Variants in NFIB observed in about 807,000 individuals in gnomAD.
NFIB encodes nuclear factor 1 B-type.
NFIB carries 11 observed loss-of-function variants against 61.5 expected under a neutral mutation model. That is an observed-to-expected ratio of 0.18 (90% CI 0.11 to 0.30). The LOEUF (loss-of-function observed/expected upper bound fraction) is 0.30, where lower values mean the gene tolerates loss of function less well. Among genes scored for constraint, NFIB ranks in the 10% least tolerant of loss-of-function variants. The probability of loss-of-function intolerance (pLI) is 1.00; values close to 1 mark genes in which losing one functional copy is unlikely to be tolerated. For missense variants in NFIB, 471 were observed against 608.9 expected (o/e 0.77, Z 2.38); for synonymous variants, 260 against 216.5 (o/e 1.20, Z -1.76).
At chr9:14,229,059 A>C (rs999021066) in intron 2 of NFIB, among the ~76,000 whole-genome samples, 9 of 151,766 alleles carry the variant, frequency 5.9e-5, no homozygotes, top group Non-Finnish European at 1.0e-4. Context: ...AGAGAAATTC[A>C]CTTAAACTAA....
At chr9:14,395,431 A>G (rs1296080095) in intron 1 of NFIB, among the ~76,000 whole-genome samples, 2 of 152,038 alleles carry the variant, frequency 1.3e-5, no homozygotes, top group Admixed American at 6.6e-5. Context: ...TAGTGTCCCA[A>G]TACCAGCTCT....
At chr9:14,280,349 A>ACG (rs2058287142) in intron 2 of NFIB, among the ~76,000 whole-genome samples, 2 of 152,172 alleles carry the variant, frequency 1.3e-5, no homozygotes, top group African/African-American at 4.8e-5. Flanking sequence ...AGATGAAAAT[A>ACG]CGCACACACA....
chr9:14,314,914 G>A (rs947651583), upstream of NFIB, among the ~76,000 whole-genome samples: 1 of 151,740 alleles, frequency 6.6e-6, no homozygotes, highest in East Asian at 1.9e-4. Context: ...ACTCTTTTAA[G>A]CCGCGGGAAC....
intron 2 of NFIB, among the ~76,000 whole-genome samples, chr9:14,247,552 G>A (rs1300691901): frequency 1.3e-5 from 2 of 152,240 alleles, no homozygotes; most frequent in African/African-American, 4.8e-5. Flanking sequence ...ATCTGACACT[G>A]CACAGGCACC....
At chr9:14,448,261 C>T in the NFIB span, among the ~76,000 whole-genome samples, 2 of 152,154 alleles carry the variant, frequency 1.3e-5, no homozygotes, top group Non-Finnish European at 2.9e-5. Context: ...ATGAATCTGT[C>T]TTAATGTCCT....
intron 2 of NFIB, among the ~76,000 whole-genome samples, chr9:14,295,490 G>T (rs964534285): frequency 1.3e-5 from 2 of 152,084 alleles, no homozygotes; most frequent in African/African-American, 4.8e-5. Context: ...ACTCAGCCGG[G>T]CGTGGGGAAG....
chr9:14,230,084 C>G (rs878858284), intron 2 of NFIB, among the ~76,000 whole-genome samples: 16 of 152,182 alleles, frequency 1.1e-4, no homozygotes, highest in Admixed American at 5.2e-4. Context: ...AGATTACAGG[C>G]GTGAGCCACT....
At chr9:14,180,915 T>C (rs947994860) in intron 2 of NFIB, 2 of 152,168 alleles carry the variant, frequency 1.3e-5, no homozygotes, top group Admixed American at 6.5e-5. Flanking sequence ...CAAAATTTGA[T>C]AGGTGGGGCA....
In NFIB at chr9:14,229,776, A is replaced by G. The variant is rs557436211; in HGVS notation, c.563-49996T>C. Among the ~76,000 whole-genome samples, 14 of 152,252 alleles carry G rather than the reference A, an allele frequency of 9.2e-5. No individual in the cohort carries two copies. In the East Asian group the frequency reaches 2.7e-3, roughly 30 times the overall value. On this transcript the variant is annotated intron_variant, in intron 2 of 10. Transcript: ENST00000380953. ...TAGACCTCTCTCTGTTCCAGGCTCT[A>G]AAAATATCCCCTCCCAACCTGACTT...
chr9:14,350,113 G>A (rs2061088341), intron 1 of NFIB, among the ~76,000 whole-genome samples: 1 of 152,142 alleles, frequency 6.6e-6, no homozygotes, highest in Admixed American at 6.5e-5. Flanking sequence ...TGGGAAACCC[G>A]GAGTATTTTC....
At chr9:14,259,212 A>C (rs1231406352) in intron 2 of NFIB, among the ~76,000 whole-genome samples, 1 of 152,250 alleles carries the variant, frequency 6.6e-6, no homozygotes, top group Non-Finnish European at 1.5e-5. Context: ...AAGAGCACTG[A>C]AAAAAGAAGT....
the NFIB span, among the ~76,000 whole-genome samples, chr9:14,448,212 A>T: frequency 6.6e-6 from 1 of 152,180 alleles, no homozygotes; most frequent in Non-Finnish European, 1.5e-5. Context: ...TTGTACACAA[A>T]ATTAGTCACT....
intron 1 of NFIB, among the ~76,000 whole-genome samples, chr9:14,356,470 C>A (rs1185090296): frequency 1.3e-5 from 2 of 152,054 alleles, no homozygotes; most frequent in African/African-American, 2.4e-5. Context: ...TGCTGGTGGG[C>A]TTTGGGAAGC....
chr9:14,418,059 C>T, the NFIB span, among the ~76,000 whole-genome samples: 6 of 152,110 alleles, frequency 3.9e-5, no homozygotes, highest in African/African-American at 1.2e-4. Flanking sequence ...GATTACAGCG[C>T]GGTGAGCCAC....
At chr9:14,202,399 G>C (rs930769998) in intron 2 of NFIB, among the ~76,000 whole-genome samples, 2 of 152,086 alleles carry the variant, frequency 1.3e-5, no homozygotes, top group African/African-American at 2.4e-5. Flanking sequence ...AGATGAAAGG[G>C]GTCTACTGAC....
chr9:14,143,129 C>T (rs1405547825), intron 6 of NFIB, among the ~76,000 whole-genome samples: 1 of 151,884 alleles, frequency 6.6e-6, no homozygotes, highest in African/African-American at 2.4e-5. Context: ...TCTATATTTG[C>T]AGAAGTATAA....
the NFIB span, among the ~76,000 whole-genome samples, chr9:14,438,329 T>G: frequency 6.6e-6 from 1 of 152,220 alleles, no homozygotes; most frequent in East Asian, 1.9e-4. Flanking sequence ...GGGTGCTAAA[T>G]AGTCTTACGT....
intron 2 of NFIB, among the ~76,000 whole-genome samples, chr9:14,190,101 A>G (rs928598719): frequency 3.9e-5 from 6 of 152,176 alleles, no homozygotes; most frequent in Non-Finnish European, 8.8e-5. Flanking sequence ...CTAAAAAGAT[A>G]CTTTGCCAAA....
At position 14,313,613 on chromosome 9, in the gene NFIB, GATCA is replaced by G. The variant is rs1422621047; in HGVS notation, c.-106_-103del. 1.3e-6 allele frequency: 2 copies of G among 1,599,814 alleles called. No individual in the cohort carries two copies. The highest frequency in any genetic ancestry group is 1.7e-6 in the Non-Finnish European group (2 of 1,173,112). On this transcript the variant is annotated 5_prime_UTR_variant, in exon 1 of 11. Transcript: ENST00000380953. The surrounding 1 kb of genome is among the most constrained non-coding windows in gnomAD (Gnocchi z 4.5). ...TACAGTCATCTGAGCCCCGCGATGC[GATCA>G]ATCAGGACGGGGCTCTGCGCTGGAT...
Sources: gnomAD v4.1 joint callset for allele counts (sites outside exome capture counted in the v4.1 genomes callset) on GRCh38, gnomAD v4.1.1 for gene constraint, Gnocchi (gnomAD v3.1) non-coding constraint, MANE v1.5 for transcripts, NCBI Gene and HGNC (gene_info 2026-07-23, HGNC 2026-07-21) for gene names.